ADK: variants seen among roughly 807,000 people sequenced by gnomAD.
ADK encodes the protein adenosine kinase, also known as N6,N6-dimethyladenosine kinase.
In ADK, 24 loss-of-function variants were observed where a neutral mutation model predicts 44.7. That is an observed-to-expected ratio of 0.54 (90% CI 0.39 to 0.76). The LOEUF is 0.76. Ranked by LOEUF, ADK falls within the 30% of genes least tolerant of loss-of-function variation. ADK has a pLI of 0.00. For missense variants in ADK, 321 were observed against 425.1 expected (o/e 0.76, Z 2.15); for synonymous variants, 128 against 142.6 (o/e 0.90, Z 0.73).
chr10:74,173,060 A>C (rs187901438), intron 1 of ADK, among the ~76,000 whole-genome samples: 1 of 152,194 alleles, frequency 6.6e-6, no homozygotes, highest in African/African-American at 2.4e-5. Flanking sequence ...ATAAAGTTTT[A>C]AGACTACCTG....
At chr10:74,326,351 A>G (rs1365230987) in intron 4 of ADK, among the ~76,000 whole-genome samples, 1 of 151,946 alleles carries the variant, frequency 6.6e-6, no homozygotes, top group Non-Finnish European at 1.5e-5. Context: ...GTACCCCAGC[A>G]CTTTGGGAGG....
At chr10:74,376,026 T>C (rs1027149890) in intron 4 of ADK, among the ~76,000 whole-genome samples, 3 of 152,082 alleles carry the variant, frequency 2.0e-5, no homozygotes, top group Non-Finnish European at 4.4e-5. Flanking sequence ...TTCCCTCATT[T>C]CCGTCTAAAA....
intron 4 of ADK, chr10:74,372,257 T>C: frequency 1.3e-6 from 1 of 762,778 alleles, no homozygotes; most frequent in Admixed American, 1.7e-5. Context: ...CTACTCAGCC[T>C]GAGGTTGCAG....
chr10:74,242,360 A>G (rs1046877918), intron 3 of ADK, among the ~76,000 whole-genome samples: 1 of 152,222 alleles, frequency 6.6e-6, no homozygotes, highest in Non-Finnish European at 1.5e-5. Flanking sequence ...GAATGGGCTT[A>G]TATCTTTGTT....
At chr10:74,658,866 C>T (rs113536787) in intron 9 of ADK, among the ~76,000 whole-genome samples, 46 of 151,998 alleles carry the variant, frequency 3.0e-4, no homozygotes, top group East Asian at 9.7e-4. Flanking sequence ...ACAGAAACCT[C>T]GTTAATTCAT....
chr10:74,188,068 A>G (rs966827930), intron 1 of ADK, among the ~76,000 whole-genome samples: 30 of 152,214 alleles, frequency 2.0e-4, no homozygotes, highest in Non-Finnish European at 7.3e-5. Context: ...TAGCTGATAT[A>G]TAAGCATTCA....
At chr10:74,341,522 C>T (rs1017479233) in intron 4 of ADK, among the ~76,000 whole-genome samples, 9 of 142,958 alleles carry the variant, frequency 6.3e-5, no homozygotes, top group African/African-American at 2.2e-4. Context: ...AGCGAGACTC[C>T]GTCTCAAAAA....
intron 6 of ADK, among the ~76,000 whole-genome samples, chr10:74,443,113 A>G (rs1564725288): frequency 1.3e-5 from 2 of 152,170 alleles, no homozygotes; most frequent in Admixed American, 1.3e-4. Context: ...ACTATAGTTT[A>G]TAATTATGTA....
chr10:74,610,643 G>A (rs529413189), intron 9 of ADK, among the ~76,000 whole-genome samples: 5 of 152,108 alleles, frequency 3.3e-5, no homozygotes, highest in Admixed American at 6.5e-5. Flanking sequence ...GATGCTGGGG[G>A]TGAAGGCAGA....
At chr10:74,336,371 T>C (rs559610509) in intron 4 of ADK, among the ~76,000 whole-genome samples, 2 of 152,352 alleles carry the variant, frequency 1.3e-5, no homozygotes, top group East Asian at 1.9e-4. Context: ...TTCTGTTTCA[T>C]TGATCTATAT....
At chr10:74,643,686 A>G (rs1422330996) in intron 9 of ADK, among the ~76,000 whole-genome samples, 1 of 152,078 alleles carries the variant, frequency 6.6e-6, no homozygotes, top group Non-Finnish European at 1.5e-5. Context: ...TGTGGGTGAT[A>G]TGTTGTATTT....
chr10:74,220,232 C>T (rs1844246979), intron 2 of ADK, among the ~76,000 whole-genome samples: 1 of 151,844 alleles, frequency 6.6e-6, no homozygotes, highest in Non-Finnish European at 1.5e-5. Context: ...TCAGAGAATA[C>T]TACAAATACC....
chr10:74,371,639 A>G (rs1240419912), intron 4 of ADK: 3 of 996,798 alleles, frequency 3.0e-6, no homozygotes, highest in Non-Finnish European at 4.8e-6. Context: ...TCCAGATGGA[A>G]CAGTACATCT....
At chr10:74,183,091 CTGTAGTCCCACCTT>C (rs571745123) in intron 1 of ADK, among the ~76,000 whole-genome samples, 1 of 152,118 alleles carries the variant, frequency 6.6e-6, no homozygotes, top group African/African-American at 2.4e-5. Flanking sequence ...ACCTGTAGTC[CTGTAGTCCCACCTT>C]TGTATTTTTT....
chr10:74,230,912 C>A (rs866363604), intron 3 of ADK, among the ~76,000 whole-genome samples: 9 of 152,102 alleles, frequency 5.9e-5, no homozygotes, highest in Admixed American at 2.0e-4. Flanking sequence ...AAACTCCTGA[C>A]CTCAGGTGAT....
At chr10:74,467,502 A>G (rs539713552) in intron 6 of ADK, among the ~76,000 whole-genome samples, 36 of 152,288 alleles carry the variant, frequency 2.4e-4, no homozygotes, top group Non-Finnish European at 4.4e-5. Flanking sequence ...AGAATTCAAA[A>G]GAATAAGATA....
At chr10:74,620,885 AGAGTT>A (rs979682127) in intron 9 of ADK, among the ~76,000 whole-genome samples, 2 of 151,928 alleles carry the variant, frequency 1.3e-5, no homozygotes, top group Admixed American at 1.3e-4. Flanking sequence ...AAAACAGAGT[AGAGTT>A]TTTTGTTTTT....
chr10:74,541,272 C>T (rs547779837), intron 7 of ADK, among the ~76,000 whole-genome samples: 1 of 152,238 alleles, frequency 6.6e-6, no homozygotes, highest in Non-Finnish European at 1.5e-5. Context: ...GCCTTGGCCT[C>T]GCAAAGTGCT....
At chr10:74,639,703 G>T (rs1853767105) in intron 9 of ADK, among the ~76,000 whole-genome samples, 1 of 152,086 alleles carries the variant, frequency 6.6e-6, no homozygotes, top group African/African-American at 2.4e-5. Context: ...GGGCGTGGTG[G>T]CATGTACCTG....
Sources: gnomAD v4.1 joint callset for allele counts (sites outside exome capture counted in the v4.1 genomes callset) on GRCh38, gnomAD v4.1.1 for gene constraint, MANE v1.5 for transcripts, NCBI Gene and HGNC (gene_info 2026-07-23, HGNC 2026-07-21) for gene names.